Variants in SYT14 observed in about 807,000 individuals in gnomAD.
SYT14 encodes the protein synaptotagmin 14.
SYT14 carries 32 observed loss-of-function variants against 74.2 expected under a neutral mutation model. That is an observed-to-expected ratio of 0.43 (90% confidence interval 0.33 to 0.58). SYT14 has a LOEUF of 0.58. Among genes scored for constraint, SYT14 ranks in the 20% least tolerant of loss-of-function variants. The pLI is 0.05. For missense variants in SYT14, 791 were observed against 981.8 expected (o/e 0.81, Z 2.60); for synonymous variants, 298 against 337.7 (o/e 0.88, Z 1.29).
intron 2 of SYT14, among the ~76,000 whole-genome samples, chr1:209,968,933 T>C (rs2102743345): frequency 6.6e-6 from 1 of 152,212 alleles, no homozygotes; most frequent in African/African-American, 2.4e-5. Flanking sequence ...GTGTCTTTTG[T>C]TCTCATCTTT....
At chr1:210,026,066 T>A (rs966206213) in intron 5 of SYT14, among the ~76,000 whole-genome samples, 2 of 151,856 alleles carry the variant, frequency 1.3e-5, no homozygotes, top group African/African-American at 4.8e-5. Flanking sequence ...TCATGTTTTC[T>A]CCTCTAGGTG....
intron 2 of SYT14, among the ~76,000 whole-genome samples, chr1:209,964,446 A>G (rs2079124041): frequency 6.6e-6 from 1 of 152,176 alleles, no homozygotes; most frequent in Admixed American, 6.6e-5. Context: ...GTTTTCTGGA[A>G]CCACTATTAC....
intron 7 of SYT14, among the ~76,000 whole-genome samples, chr1:210,107,421 T>C (rs758874361): frequency 1.1e-4 from 16 of 152,336 alleles, no homozygotes; most frequent in South Asian, 1.0e-3. Flanking sequence ...TCTTATGTCC[T>C]CACAATTCAA....
intron 7 of SYT14, among the ~76,000 whole-genome samples, chr1:210,145,702 T>G (rs890839746): frequency 6.6e-6 from 1 of 152,084 alleles, no homozygotes; most frequent in African/African-American, 2.4e-5. Context: ...CATATACACA[T>G]GCCACTCCAG....
intron 2 of SYT14, among the ~76,000 whole-genome samples, chr1:209,991,817 G>A (rs563788871): frequency 1.3e-5 from 2 of 150,480 alleles, no homozygotes; most frequent in Non-Finnish European, 3.0e-5. Context: ...GCGATAAAGC[G>A]AGACTCCGTC....
chr1:210,138,154 T>A (rs2082830952), intron 7 of SYT14, among the ~76,000 whole-genome samples: 1 of 151,710 alleles, frequency 6.6e-6, no homozygotes, highest in Non-Finnish European at 1.5e-5. Context: ...AGAAAAAGGG[T>A]TTAATGGACT....
rs72208747 is a variant in SYT14 at position 210,075,343 on chromosome 1, T to TTTG, written c.1313-18977_1313-18976insGTT. Reference sequence around the variant, plus strand: ...TGCCTGCTAGGGTCTCGAGGGTTTGTTTTTTTTTTTTTTTTTGAGACAGAG... The same window carrying TTTG: ...TGCCTGCTAGGGTCTCGAGGGTTTGTTTGTTTTTTTTTTTTTTTTGAGACAGAG... On this transcript the variant is annotated intron_variant, in intron 5 of 9. Transcript: ENST00000637265. 4.8e-4 allele frequency among the ~76,000 whole-genome samples: 16 copies of TTTG among 33,018 alleles called. No individual in the cohort carries two copies. The African/African-American group carries it at 8.3e-3, about 17-fold the overall frequency. The allele number at this position is 33,018 out of a possible 152,430, so 21.7% of individuals were successfully genotyped here. A position where few individuals can be genotyped will look rare whatever the true frequency, so the allele number is the denominator to read the frequency against.
At chr1:210,039,694 A>G (rs555357526) in intron 5 of SYT14, among the ~76,000 whole-genome samples, 7 of 152,320 alleles carry the variant, frequency 4.6e-5, no homozygotes, top group Non-Finnish European at 8.8e-5. Context: ...GAAAAAACAA[A>G]CAACTTCATC....
At chr1:209,956,954 T>C in intron 2 of SYT14, among the ~76,000 whole-genome samples, 1 of 152,098 alleles carries the variant, frequency 6.6e-6, no homozygotes, top group Non-Finnish European at 1.5e-5. Context: ...TTTTTTTTCA[T>C]TTCCCCTTCA....
intron 5 of SYT14, among the ~76,000 whole-genome samples, chr1:210,036,767 C>T (rs891698790): frequency 1.3e-5 from 2 of 152,010 alleles, no homozygotes; most frequent in Admixed American, 6.6e-5. Context: ...ATCCTTATAT[C>T]CCTGAAATAA....
intron 1 of SYT14, among the ~76,000 whole-genome samples, chr1:209,944,993 A>G (rs1486851747): frequency 6.6e-6 from 1 of 152,052 alleles, no homozygotes; most frequent in African/African-American, 2.4e-5. Flanking sequence ...GGCAACATAT[A>G]TTCATTTTCT....
exon 10 of SYT14, chr1:210,164,607 T>C (rs1327821024): frequency 6.6e-6 from 1 of 152,446 alleles, no homozygotes; most frequent in Non-Finnish European, 1.5e-5. Flanking sequence ...TGGGAAGATG[T>C]AAATTTTTGA....
chr1:210,052,400 C>T (rs1331777420), intron 5 of SYT14, among the ~76,000 whole-genome samples: 1 of 151,938 alleles, frequency 6.6e-6, no homozygotes, highest in Non-Finnish European at 1.5e-5. Flanking sequence ...CAGTGGTTCA[C>T]GCCTGTAATC....
chr1:210,085,938 T>TC (rs1333952254), intron 5 of SYT14, among the ~76,000 whole-genome samples: 1 of 152,104 alleles, frequency 6.6e-6, no homozygotes, highest in East Asian at 1.9e-4. Flanking sequence ...ACCTGAAAAA[T>TC]TTTGTGTAAA....
At chr1:210,096,471 C>T (rs1490569410) in intron 6 of SYT14, among the ~76,000 whole-genome samples, 2 of 152,152 alleles carry the variant, frequency 1.3e-5, no homozygotes, top group Admixed American at 6.6e-5. Flanking sequence ...AATCCATTAA[C>T]ACACCTGGGG....
chr1:210,065,865 T>A (rs170556), intron 5 of SYT14, among the ~76,000 whole-genome samples: 84,522 of 149,532 alleles, frequency 0.57, 25,996 homozygotes, highest in African/African-American at 0.81. Flanking sequence ...TCCTAATGCT[T>A]TCCCTCCCCC....
At chr1:210,053,610 T>C (rs2102387853) in intron 5 of SYT14, among the ~76,000 whole-genome samples, 1 of 152,332 alleles carries the variant, frequency 6.6e-6, no homozygotes, top group Non-Finnish European at 1.5e-5. Flanking sequence ...AGTTGAACAG[T>C]AATAGGTAGC....
intron 5 of SYT14, among the ~76,000 whole-genome samples, chr1:210,087,977 C>T (rs2081773146): frequency 6.6e-6 from 1 of 152,060 alleles, no homozygotes; most frequent in East Asian, 1.9e-4. Context: ...GAAATGATGT[C>T]CTCTTTTTAT....
At chr1:209,960,117 A>C (rs2079055975) in intron 2 of SYT14, among the ~76,000 whole-genome samples, 1 of 152,156 alleles carries the variant, frequency 6.6e-6, no homozygotes, top group Non-Finnish European at 1.5e-5. Context: ...ATATATGTTA[A>C]TATGTCCAAG....
Sources: gnomAD v4.1 joint callset for allele counts (sites outside exome capture counted in the v4.1 genomes callset) on GRCh38, gnomAD v4.1.1 for gene constraint, MANE v1.5 for transcripts, NCBI Gene and HGNC (gene_info 2026-07-23, HGNC 2026-07-21) for gene names.